TRPC7: variants seen among roughly 807,000 people sequenced by gnomAD.
TRPC7 encodes short transient receptor potential channel 7.
A neutral mutation model predicts 90.1 loss-of-function variants in TRPC7; 42 were observed. That is an observed-to-expected ratio of 0.47 (90% CI 0.36 to 0.60). The LOEUF is 0.60. Among genes scored for constraint, TRPC7 ranks in the 20% least tolerant of loss-of-function variants. TRPC7 has a pLI of 0.00. For missense variants in TRPC7, 955 were observed against 1,112.3 expected (o/e 0.86, Z 2.01); for synonymous variants, 451 against 436.3 (o/e 1.03, Z -0.42).
At chr5:136,300,366 G>A (rs574284373) in intron 3 of TRPC7, among the ~76,000 whole-genome samples, 4 of 152,164 alleles carry the variant, frequency 2.6e-5, no homozygotes, top group East Asian at 1.9e-4. Flanking sequence ...GAGTACTCCC[G>A]AGACCCATTG....
rs141079119 is a variant in TRPC7 at position 136,254,501 on chromosome 5, G to A, written c.1346-2619C>T. ...GAAACAAAAAAGCCTGGATGACAGC[G>A]TATCTGTTTACAGCATGGTATACTG... On this transcript the variant is annotated intron_variant, in intron 5 of 11. Transcript: ENST00000513104. 3.3e-3 allele frequency among the ~76,000 whole-genome samples: 501 copies of A among 152,288 alleles called. 4 individuals carry two copies. The highest frequency in any genetic ancestry group is 0.012 in the African/African-American group (486 of 41,566).
chr5:136,286,288 A>T (rs1757714876), intron 3 of TRPC7, among the ~76,000 whole-genome samples: 1 of 152,178 alleles, frequency 6.6e-6, no homozygotes, highest in Non-Finnish European at 1.5e-5. Context: ...ACAATCCTCC[A>T]TCAAATGGTG....
At chr5:136,268,203 A>G (rs1263428951) in intron 4 of TRPC7, among the ~76,000 whole-genome samples, 8 of 152,190 alleles carry the variant, frequency 5.3e-5, no homozygotes, top group African/African-American at 1.9e-4. Context: ...ACCTTGGGAT[A>G]TTTTGGCATA....
In TRPC7 at chr5:136,213,402, G is replaced by A; in HGVS notation, c.*33C>T. On this transcript the variant is annotated 3_prime_UTR_variant, in exon 12 of 12. Coordinates refer to ENST00000513104, the MANE Select transcript of TRPC7 (RefSeq NM_020389.3). ...AGGGCATCCAACCTGGCCTTGGAATGCTGGTAGAAGTCACAGACGCCGATG... is the reference window on the plus strand; with the variant it reads ...AGGGCATCCAACCTGGCCTTGGAATACTGGTAGAAGTCACAGACGCCGATG... The A allele has an allele frequency of 6.2e-7, 1 of 1,608,532 alleles. No homozygotes were observed. Among genetic ancestry groups the A allele is most frequent in the Non-Finnish European group, 8.5e-7 (1 of 1,176,868 alleles).
At chr5:136,288,281 A>G (rs1002987507) in intron 3 of TRPC7, among the ~76,000 whole-genome samples, 1 of 152,162 alleles carries the variant, frequency 6.6e-6, no homozygotes, top group African/African-American at 2.4e-5. Flanking sequence ...CATACTGTTT[A>G]TGCCTGTTTC....
intron 10 of TRPC7, among the ~76,000 whole-genome samples, chr5:136,218,809 C>A (rs577498049): frequency 6.6e-6 from 1 of 152,230 alleles, no homozygotes; most frequent in South Asian, 2.1e-4. Context: ...TTCCATAGAC[C>A]AGGATTGTGT....
intron 2 of TRPC7, among the ~76,000 whole-genome samples, chr5:136,316,510 T>C (rs1156765055): frequency 6.6e-6 from 1 of 152,250 alleles, no homozygotes; most frequent in Non-Finnish European, 1.5e-5. Context: ...ACCTGCCTGT[T>C]GAATAAACAT....
intron 3 of TRPC7, among the ~76,000 whole-genome samples, chr5:136,282,662 G>T (rs1392168): frequency 0.12 from 18,413 of 152,120 alleles, 1,168 homozygotes; most frequent in African/African-American, 0.14. Flanking sequence ...CTTAATACCA[G>T]TATTTTGATA....
chr5:136,296,998 T>C (rs1376918387), intron 3 of TRPC7, among the ~76,000 whole-genome samples: 2 of 152,092 alleles, frequency 1.3e-5, no homozygotes, highest in Non-Finnish European at 2.9e-5. Flanking sequence ...TTCCCATAAA[T>C]CCAATCCCAG....
intron 1 of TRPC7, among the ~76,000 whole-genome samples, chr5:136,361,891 G>A (rs991035411): frequency 2.0e-5 from 3 of 152,104 alleles, no homozygotes; most frequent in Non-Finnish European, 2.9e-5. Flanking sequence ...CCAAAATAAA[G>A]GGAGTAATAA....
chr5:136,226,327 A>G, intron 8 of TRPC7, 72 bp from the exon 9 acceptor site: 1 of 1,095,802 alleles, frequency 9.1e-7, no homozygotes, highest in Non-Finnish European at 1.3e-6. Context: ...CCTGAGGAGC[A>G]GAGACACAGC....
At chr5:136,341,948 T>C (rs1009357116) in intron 2 of TRPC7, among the ~76,000 whole-genome samples, 1 of 152,206 alleles carries the variant, frequency 6.6e-6, no homozygotes, top group African/African-American at 2.4e-5. Context: ...TCTCTGATCT[T>C]AGCCCTCTTC....
At chr5:136,273,844 A>G (rs1040415952) in intron 4 of TRPC7, among the ~76,000 whole-genome samples, 6 of 152,148 alleles carry the variant, frequency 3.9e-5, no homozygotes, top group Non-Finnish European at 8.8e-5. Flanking sequence ...AAATTTCTGC[A>G]TGGTTTGGTC....
At position 136,222,732 on chromosome 5, in the gene TRPC7, T is replaced by A. The variant is rs141615190; in HGVS notation, c.2343+2542A>T. Among the ~76,000 whole-genome samples, 12 of 152,256 alleles carry A rather than the reference T, an allele frequency of 7.9e-5. 1 individual carries two copies. In the Middle Eastern group the frequency reaches 0.017, roughly 216 times the overall value. On this transcript the variant is annotated intron_variant, in intron 10 of 11. Coordinates refer to ENST00000513104, the MANE Select transcript of TRPC7 (RefSeq NM_020389.3). ...TCTGAGGAGGGTGCTGGTGCAAAAC[T>A]ACGAAGATAAATAATAGGCAGGTGT...
rs201608246 is a variant in TRPC7, at chr5:136,236,240, G to GT, written c.1845-4692dup. On this transcript the variant is annotated intron_variant, in intron 7 of 11. Transcript: ENST00000513104. ...TAAGATAAGAGAATGCTATGAGACT[G>GT]TAAGCAGGGAGGCTCTGTTTGCCTC... 3.1e-3 allele frequency among the ~76,000 whole-genome samples: 476 copies of GT among 152,304 alleles called. 11 individuals are homozygous for GT. In the East Asian group the frequency reaches 0.038, roughly 12 times the overall value.
intron 2 of TRPC7, among the ~76,000 whole-genome samples, chr5:136,347,318 C>G (rs1760040621): frequency 3.9e-5 from 6 of 152,158 alleles, no homozygotes; most frequent in Admixed American, 3.9e-4. Flanking sequence ...GCCAGAAAAG[C>G]CTTGATTGCA....
intron 2 of TRPC7, among the ~76,000 whole-genome samples, chr5:136,356,163 A>G (rs1203948160): frequency 1.3e-5 from 2 of 152,222 alleles, no homozygotes; most frequent in Non-Finnish European, 2.9e-5. Flanking sequence ...ACTGATCAAG[A>G]CATTCCAGGA....
At chr5:136,267,292 A>G (rs1757065330) in intron 4 of TRPC7, among the ~76,000 whole-genome samples, 1 of 152,146 alleles carries the variant, frequency 6.6e-6, no homozygotes, top group Admixed American at 6.5e-5. Context: ...AGTACTTGCC[A>G]ACCTCCTGTT....
intron 5 of TRPC7, among the ~76,000 whole-genome samples, chr5:136,263,275 C>T (rs1441186864): frequency 6.6e-6 from 1 of 152,178 alleles, no homozygotes; most frequent in Non-Finnish European, 1.5e-5. Context: ...AGTAAGCCTT[C>T]TCCAGATCCA....
Sources: gnomAD v4.1 joint callset for allele counts (sites outside exome capture counted in the v4.1 genomes callset) on GRCh38, gnomAD v4.1.1 for gene constraint, MANE v1.5 for transcripts, NCBI Gene and HGNC (gene_info 2026-07-23, HGNC 2026-07-21) for gene names.